PNMA2: variants seen among roughly 807,000 people sequenced by gnomAD.
The protein encoded by PNMA2 is PNMA family member 2, also known as paraneoplastic antigen Ma2.
For missense variants in PNMA2, 455 were observed against 452.9 expected, an observed-to-expected ratio of 1.00 and a Z score of -0.04; for synonymous variants, 175 against 183.5, an observed-to-expected ratio of 0.95 and a Z score of 0.38.
At position 26,508,288 on chromosome 8, in the gene PNMA2, G is replaced by C. The variant is rs189934632; in HGVS notation, c.468C>G (p.Pro156=). ...GTTTCCGGTATCTCATGGGTAGCAG[G>C]GGCTGAGGCGCATGTGCCATTGCCT... The part of the protein sequence containing the change: ...LGQAMAHAPQ[P]LLPMRYRKLR... Residue 156 remains proline (P), a synonymous_variant, in exon 3 of 3, where the codon CCC becomes CCG. Transcript: ENST00000522362. This position sits in a 1 kb window ranked among gnomAD's most constrained non-coding sequence, Gnocchi z 5.5. 3.1e-6 allele frequency: 5 copies of C among 1,603,056 alleles called. No individual in the cohort carries two copies. In the Admixed American group the frequency reaches 6.8e-5, roughly 22 times the overall value.
rs1808038089 is a variant in PNMA2, at chr8:26,505,873, C to T, written c.*1788G>A. The stretch of plus-strand genomic sequence containing the variant: ...GGGCGTGGTGGTGGGTGCCTGTAAT[C>T]CCAGCTACTCGGGAGGCTGAGGCAC... On this transcript the variant is annotated 3_prime_UTR_variant, in exon 3 of 3. Coordinates refer to ENST00000522362, the MANE Select transcript of PNMA2 (RefSeq NM_007257.6). The T allele has an allele frequency of 6.6e-6, 1 of 152,122 alleles. No homozygotes were observed. Among genetic ancestry groups the T allele is most frequent in the Non-Finnish European group, 1.5e-5 (1 of 68,064 alleles). The allele number at this position is 152,122 out of a possible 1,614,324, so 9.4% of individuals were successfully genotyped here. A position where few individuals can be genotyped will look rare whatever the true frequency, so the allele number is the denominator to read the frequency against.
In PNMA2 at chr8:26,507,779, T is replaced by G; in HGVS notation, c.977A>C (p.Glu326Ala). 6.2e-7 allele frequency: 1 copy of G among 1,613,782 alleles called. No homozygotes were observed. Among genetic ancestry groups the G allele is most frequent in the Non-Finnish European group, 8.5e-7 (1 of 1,179,884 alleles). ...TTCTTCCCGTATTACCTTCATTAGC[T>G]CAAGGAAGCTGGGGGGCGGGCCCTG... Reference protein sequence around the residue: ...KDQGPPPSFLELMKVIREEEE... With the variant: ...KDQGPPPSFLALMKVIREEEE... Residue 326 changes from glutamate (E) to alanine (A), a missense_variant, in exon 3 of 3, where the codon GAG becomes GCG. Transcript: ENST00000522362.
At chr8:26,510,844 A>T (rs1229578111) in intron 1 of PNMA2, among the ~76,000 whole-genome samples, 1 of 152,228 alleles carries the variant, frequency 6.6e-6, no homozygotes, top group East Asian at 1.9e-4. Context: ...ACCTGTGAGG[A>T]TTAGAGAACG....
rs1370606728 is a variant in PNMA2 at position 26,506,611 on chromosome 8, T to G, written c.*1050A>C. ...TCCCAGGTTAAAACAACAACAACAA[T>G]GACAACAACAACAACAAAAATCTGC... On this transcript the variant is annotated 3_prime_UTR_variant, in exon 3 of 3. Transcript: ENST00000522362. The surrounding 1 kb of genome is among the most constrained non-coding windows in gnomAD (Gnocchi z 4.4). 6.6e-6 allele frequency: 1 copy of G among 152,160 alleles called. No individual in the cohort carries two copies. Among genetic ancestry groups the G allele is most frequent in the Non-Finnish European group, 1.5e-5 (1 of 68,042 alleles). 9.4% of individuals were successfully genotyped at this position (152,160 alleles called of 1,614,324 possible).
intron 1 of PNMA2, among the ~76,000 whole-genome samples, chr8:26,511,265 G>A (rs1280133841): frequency 2.6e-5 from 4 of 151,950 alleles, no homozygotes; most frequent in East Asian, 1.9e-4. Flanking sequence ...TCATCAATTC[G>A]AATGGGGGCC....
chr8:26,510,713 G>C (rs1029508039), intron 1 of PNMA2, among the ~76,000 whole-genome samples: 1 of 152,196 alleles, frequency 6.6e-6, no homozygotes, highest in African/African-American at 2.4e-5. Flanking sequence ...GCCTCTCACA[G>C]TGCTGAATTA....
At chr8:26,512,564 G>C (rs550761837) in intron 1 of PNMA2, among the ~76,000 whole-genome samples, 3 of 152,228 alleles carry the variant, frequency 2.0e-5, no homozygotes, top group South Asian at 2.1e-4. Flanking sequence ...CTGGTTACAC[G>C]GCCCTACGCG....
rs1341670676 is a variant in PNMA2 at position 26,508,419 on chromosome 8, CTTTTTCTAGAA to C, written c.326_336del (p.Phe109Ter). The C allele has an allele frequency of 6.2e-6, 10 of 1,614,118 alleles. No individual in the cohort carries two copies. The Admixed American group carries it at 1.7e-4, about 27-fold the overall frequency. On this transcript the variant is annotated frameshift_variant, in exon 3 of 3. Coordinates refer to ENST00000522362, the MANE Select transcript of PNMA2 (RefSeq NM_007257.6). LOFTEE classifies it high-confidence loss of function. This position sits in a 1 kb window ranked among gnomAD's most constrained non-coding sequence, Gnocchi z 5.5. ...AACATACCCGAGACCGTCTGCCCCTCTTTTTCTAGAAACAGGTTCAATCTTTCAAGAAACTC... is the reference window on the plus strand; with the variant it reads ...AACATACCCGAGACCGTCTGCCCCTCACAGGTTCAATCTTTCAAGAAACTC...
intron 1 of PNMA2, among the ~76,000 whole-genome samples, chr8:26,510,342 A>G (rs1301291410): frequency 1.3e-5 from 2 of 152,098 alleles, no homozygotes; most frequent in Non-Finnish European, 2.9e-5. Flanking sequence ...ACCCAAATAA[A>G]CCTCTTTTCT....
intron 1 of PNMA2, among the ~76,000 whole-genome samples, chr8:26,512,238 T>A (rs890660803): frequency 6.6e-6 from 1 of 152,194 alleles, no homozygotes; most frequent in Non-Finnish European, 1.5e-5. Flanking sequence ...CATCTCACAG[T>A]GGGGCTGTGA....
intron 1 of PNMA2, among the ~76,000 whole-genome samples, chr8:26,513,609 C>A (rs887784770): frequency 1.3e-5 from 2 of 152,212 alleles, no homozygotes; most frequent in Non-Finnish European, 2.9e-5. Flanking sequence ...AGTAGCCTGG[C>A]GCCCGGCTTG....
chr8:26,508,994 G>A lies in PNMA2; in HGVS notation c.-239C>T. The A allele has an allele frequency of 9.0e-7, 1 of 1,116,420 alleles. No individual in the cohort carries two copies. The highest frequency in any genetic ancestry group is 1.2e-6 in the Non-Finnish European group (1 of 847,896). The allele number at this position is 1,116,420 out of a possible 1,614,324, so 69.2% of individuals were successfully genotyped here. A position where few individuals can be genotyped will look rare whatever the true frequency, so the allele number is the denominator to read the frequency against. On this transcript the variant is annotated 5_prime_UTR_variant, in exon 3 of 3. Coordinates refer to ENST00000522362, the MANE Select transcript of PNMA2 (RefSeq NM_007257.6). This position sits in a 1 kb window ranked among gnomAD's most constrained non-coding sequence, Gnocchi z 5.5. Reference sequence around the variant, plus strand: ...TCTTTAGGCCTGACCCAGGTGGGCAGGTCGTATCTCAGTTCTAACCACACC... The same window carrying A: ...TCTTTAGGCCTGACCCAGGTGGGCAAGTCGTATCTCAGTTCTAACCACACC...
At chr8:26,510,560 C>T (rs1032448809) in intron 1 of PNMA2, among the ~76,000 whole-genome samples, 12 of 151,982 alleles carry the variant, frequency 7.9e-5, no homozygotes, top group African/African-American at 2.9e-4. Flanking sequence ...GCAATCCTCC[C>T]ACCTCGACCT....
rs1808111049 is a variant in PNMA2, at chr8:26,509,442, C to T, written c.-489+106G>A. On this transcript the variant is annotated intron_variant, in intron 2 of 2. Transcript: ENST00000522362. The surrounding 1 kb of genome is among the most constrained non-coding windows in gnomAD (Gnocchi z 5.7). Reference sequence around the variant, plus strand: ...GGACTCCAATGAAATCTGGTGTCCCCACCATATGCTCATCAGACCTGTTGA... The same window carrying T: ...GGACTCCAATGAAATCTGGTGTCCCTACCATATGCTCATCAGACCTGTTGA... 1.3e-5 allele frequency: 2 copies of T among 152,202 alleles called. No homozygotes were observed. Among genetic ancestry groups the T allele is most frequent in the South Asian group, 4.1e-4 (2 of 4,832 alleles). The allele number at this position is 152,202 out of a possible 1,614,324, so 9.4% of individuals were successfully genotyped here. A position where few individuals can be genotyped will look rare whatever the true frequency, so the allele number is the denominator to read the frequency against.
At position 26,507,183 on chromosome 8, in the gene PNMA2, C is replaced by G. The variant is rs1808056953; in HGVS notation, c.*478G>C. ...GCGGTTCATGCCTGTAATCCCAGCA[C>G]TTTGGGAGGCCGAGTTGGGCACATC... is the stretch of plus-strand genomic sequence containing the variant. On this transcript the variant is annotated 3_prime_UTR_variant, in exon 3 of 3. Transcript: ENST00000522362. The G allele has an allele frequency of 6.6e-6, 1 of 152,452 alleles. No homozygotes were observed. Among genetic ancestry groups the G allele is most frequent in the Admixed American group, 6.5e-5 (1 of 15,286 alleles). 9.4% of individuals were successfully genotyped at this position (152,452 alleles called of 1,614,324 possible). A position where few individuals can be genotyped will look rare whatever the true frequency, so the allele number is the denominator to read the frequency against.
At chr8:26,510,512 C>T (rs1008936197) in intron 1 of PNMA2, among the ~76,000 whole-genome samples, 9 of 45,750 alleles carry the variant, frequency 2.0e-4, no homozygotes, top group Admixed American at 3.5e-4. Context: ...GGTGTAAACA[C>T]GGCTCACTGT....
Position 26,504,968 on chromosome 8 carries a change from G to A in PNMA2, c.*2693C>T, listed in dbSNP as rs983129166. On this transcript the variant is annotated 3_prime_UTR_variant, in exon 3 of 3. Transcript: ENST00000522362. ...ACTGAACCACAATCAGAAAAAATAA[G>A]TAATTATTTAAAAGTCAAACCTCTA... is the stretch of plus-strand genomic sequence containing the variant. 4 of 152,176 alleles carry A rather than the reference G, an allele frequency of 2.6e-5. No individual in the cohort carries two copies. Among genetic ancestry groups the A allele is most frequent in the African/African-American group, 4.8e-5 (2 of 41,426 alleles). 9.4% of individuals were successfully genotyped at this position (152,176 alleles called of 1,614,324 possible).
Position 26,507,007 on chromosome 8 carries a change from A to G in PNMA2, c.*654T>C, listed in dbSNP as rs757105376. Reference sequence around the variant, plus strand: ...AATTCTGGTCTATTTGGGATTATTTAAAGAAAATTGGAAGTACAAGTGTTT... The same window carrying G: ...AATTCTGGTCTATTTGGGATTATTTGAAGAAAATTGGAAGTACAAGTGTTT... On this transcript the variant is annotated 3_prime_UTR_variant, in exon 3 of 3. Coordinates refer to ENST00000522362, the MANE Select transcript of PNMA2 (RefSeq NM_007257.6). 6.6e-6 allele frequency: 1 copy of G among 152,132 alleles called. No individual in the cohort carries two copies. The highest frequency in any genetic ancestry group is 1.5e-5 in the Non-Finnish European group (1 of 68,012). The allele number at this position is 152,132 out of a possible 1,614,324, so 9.4% of individuals were successfully genotyped here.
At chr8:26,513,388 G>GCCCCCCCCCCCCCCCCCC (rs148272306) in intron 1 of PNMA2, among the ~76,000 whole-genome samples, 89 of 141,010 alleles carry the variant, frequency 6.3e-4, no homozygotes, top group East Asian at 1.5e-3. Context: ...CATGTTGTGT[G>GCCCCCCCCCCCCCCCCCC]CCCCCCCCCC....
Sources: allele counts gnomAD v4.1 joint callset (sites outside exome capture counted in the v4.1 genomes callset), GRCh38; gene constraint gnomAD v4.1.1; non-coding constraint Gnocchi (gnomAD v3.1); transcripts MANE v1.5; gene names NCBI Gene and HGNC (gene_info 2026-07-23, HGNC 2026-07-21).